OR2J1: variants seen among roughly 807,000 people sequenced by gnomAD.
OR2J1 encodes olfactory receptor family 2 subfamily J member 1, also known as olfactory receptor 2J1.
OR2J1 carries 10 observed loss-of-function variants against 10.2 expected under a neutral mutation model. That is an observed-to-expected ratio of 0.98 (90% CI 0.60 to 1.66). The LOEUF (loss-of-function observed/expected upper bound fraction) is 1.66, where lower values mean the gene tolerates loss of function less well. Ranked by LOEUF, OR2J1 falls within the 40% of genes most tolerant of loss-of-function variation. The probability of loss-of-function intolerance (pLI) is 0.00; values close to 1 mark genes in which losing one functional copy is unlikely to be tolerated. For synonymous variants in OR2J1, 143 were observed against 138.8 expected (o/e 1.03, Z -0.21); for missense variants, 317 against 379.4 (o/e 0.84, Z 1.37).
rs1381006117 is a variant in OR2J1 at position 29,101,218 on chromosome 6, C to T, written c.276C>T (p.Thr92=). 3.1e-6 allele frequency: 5 copies of T among 1,597,876 alleles called. No individual in the cohort carries two copies. The highest frequency in any genetic ancestry group is 4.3e-6 in the Non-Finnish European group (5 of 1,165,346). Residue 92 remains threonine (T), a synonymous_variant, in exon 2 of 2, where the codon ACC becomes ACT. Coordinates refer to ENST00000641659, the MANE Select transcript of OR2J1 (RefSeq NM_001348294.2). The part of the protein sequence containing the change: ...LLVNLWGPEK[T]ISYAGCTVQL... ...TGAATCTCTGGGGCCCGGAAAAGAC[C>T]ATCTCTTATGCTGGTTGTACGGTTC...
At position 29,100,992 on chromosome 6, in the gene OR2J1, GATTTT is replaced by G. The variant is rs746537946; in HGVS notation, c.51_55del (p.Phe18Ter). The G allele has an allele frequency of 6.9e-7, 1 of 1,452,266 alleles. No homozygotes were observed. The highest frequency in any genetic ancestry group is 1.4e-5 in the African/African-American group (1 of 71,542). 90.0% of individuals were successfully genotyped at this position (1,452,266 alleles called of 1,614,324 possible). ...TTTGAAGACTTCTTTCTTCTACTTG[GATTTT>G]CTAACTGGCCTCATCTGGAAGTAGT... is the stretch of plus-strand genomic sequence containing the variant. On this transcript the variant is annotated frameshift_variant, in exon 2 of 2. Transcript: ENST00000641659. LOFTEE classifies it low-confidence loss of function (END_TRUNC).
rs1278840360 is a variant in OR2J1 at position 29,101,429 on chromosome 6, T to C, written c.487T>C (p.Phe163Leu). 1 of 1,524,048 alleles carries C rather than the reference T, an allele frequency of 6.6e-7. No homozygotes were observed. Among genetic ancestry groups the C allele is most frequent in the Admixed American group, 1.7e-5 (1 of 59,916 alleles). The allele number at this position is 1,524,048 out of a possible 1,614,324, so 94.4% of individuals were successfully genotyped here. The stretch of plus-strand genomic sequence containing the variant: ...TACAACCTCAGCACTTCATTCCTCC[T>C]TTACTTTCTGGATACCCCTATGTAG... ...GFTTSALHSS[F>L]TFWIPLCRHR... The change falls in exon 2 of 2, where the codon TTT (phenylalanine) becomes CTT (leucine). Residue 163 changes from phenylalanine to leucine, a missense_variant. Coordinates refer to ENST00000641659, the MANE Select transcript of OR2J1 (RefSeq NM_001348294.2).
At position 29,102,044 on chromosome 6, in the gene OR2J1, T is replaced by C. The variant is rs1051814268; in HGVS notation, c.*163T>C. The C allele has an allele frequency of 2.4e-5, 13 of 537,658 alleles. No individual in the cohort carries two copies. The highest frequency in any genetic ancestry group is 3.9e-5 in the Non-Finnish European group (12 of 306,328). 33.3% of individuals were successfully genotyped at this position (537,658 alleles called of 1,614,324 possible). On this transcript the variant is annotated 3_prime_UTR_variant, in exon 2 of 2. Transcript: ENST00000641659. ...TGTTTAATATTTAGTTCTGAAATAT[T>C]ATGTTGAGATAAAGGTTTTGATTAG...
At position 29,100,803 on chromosome 6, in the gene OR2J1, A is replaced by G. The variant is rs752676487; in HGVS notation, c.-140A>G. ...GAAGCATACAAAGGAAACTGTATAA[A>G]AATTCTACTGCCATAATGGTGCACA... is the stretch of plus-strand genomic sequence containing the variant. On this transcript the variant is annotated 5_prime_UTR_variant, in exon 2 of 2. Transcript: ENST00000641659. The G allele has an allele frequency of 1.3e-4, 79 of 599,478 alleles. No homozygotes were observed. The highest frequency in any genetic ancestry group is 2.1e-4 in the Non-Finnish European group (72 of 336,084). The allele number at this position is 599,478 out of a possible 1,614,324, so 37.1% of individuals were successfully genotyped here. A position where few individuals can be genotyped will look rare whatever the true frequency, so the allele number is the denominator to read the frequency against.
chr6:29,101,879 T>A lies in OR2J1; in HGVS notation c.937T>A (p.Ter313ArgextTer11). Residue 313 changes from the stop codon to arginine (R), a stop_lost, in exon 2 of 2, where the codon TGA becomes AGA. Coordinates refer to ENST00000641659, the MANE Select transcript of OR2J1 (RefSeq NM_001348294.2). Reference sequence around the variant, plus strand: ...ACTAATGGGGTGGGAATGGGGGATGTGACAGGGAAATCATGTTGGCTGTTG... The same window carrying A: ...ACTAATGGGGTGGGAATGGGGGATGAGACAGGGAAATCATGTTGGCTGTTG... The part of the protein sequence containing the change: ...KRLMGWEWGM[*>R] The A allele has an allele frequency of 1.7e-6, 2 of 1,155,578 alleles. No individual in the cohort carries two copies. Among genetic ancestry groups the A allele is most frequent in the South Asian group, 2.5e-5 (2 of 79,522 alleles). The allele number at this position is 1,155,578 out of a possible 1,614,324, so 71.6% of individuals were successfully genotyped here.
Position 29,099,544 on chromosome 6 carries a change from C to T in OR2J1, c.-498C>T, listed in dbSNP as rs1238002567. 1.3e-5 allele frequency: 2 copies of T among 152,140 alleles called. No individual in the cohort carries two copies. Among genetic ancestry groups the T allele is most frequent in the African/African-American group, 4.8e-5 (2 of 41,420 alleles). 9.4% of individuals were successfully genotyped at this position (152,140 alleles called of 1,614,324 possible). On this transcript the variant is annotated 5_prime_UTR_variant, in exon 1 of 2. Coordinates refer to ENST00000641659, the MANE Select transcript of OR2J1 (RefSeq NM_001348294.2). ...GCATTAGGAAAGAAAATTATACCTG[C>T]ATTAGCAAAAGTATCCACAACATTT...
chr6:29,100,813 GC>G lies in OR2J1; in HGVS notation c.-128del, dbSNP rs1197374571. 1 of 611,374 alleles carries G rather than the reference GC, an allele frequency of 1.6e-6. No individual in the cohort carries two copies. The highest frequency in any genetic ancestry group is 2.9e-5 in the Admixed American group (1 of 34,032). The allele number at this position is 611,374 out of a possible 1,614,324, so 37.9% of individuals were successfully genotyped here. On this transcript the variant is annotated 5_prime_UTR_variant, in exon 2 of 2. Transcript: ENST00000641659. ...AAGGAAACTGTATAAAAATTCTACT[GC>G]CATAATGGTGCACACTATCTGGAAT...
rs1318678106 is a variant in OR2J1, at chr6:29,102,133, CAT to C, written c.*254_*255del. 1 of 406,488 alleles carries C rather than the reference CAT, an allele frequency of 2.5e-6. No individual in the cohort carries two copies. The highest frequency in any genetic ancestry group is 3.9e-5 in the East Asian group (1 of 25,548). The allele number at this position is 406,488 out of a possible 1,614,324, so 25.2% of individuals were successfully genotyped here. A position where few individuals can be genotyped will look rare whatever the true frequency, so the allele number is the denominator to read the frequency against. The stretch of plus-strand genomic sequence containing the variant: ...TGAAAATTGTGGACTGTGGTTTCAA[CAT>C]AAATAAATGTGTGTGTGAATAATTA... On this transcript the variant is annotated 3_prime_UTR_variant, in exon 2 of 2. Transcript: ENST00000641659.
Position 29,101,316 on chromosome 6 carries a change from C to A in OR2J1, c.374C>A (p.Ala125Glu), listed in dbSNP as rs759988506. ...LLVVMSYDRYAAVCRPLHYTV... is the reference protein window; with the variant it reads ...LLVVMSYDRYEAVCRPLHYTV... The stretch of plus-strand genomic sequence containing the variant: ...GTGGTGATGTCCTATGATCGTTATG[C>A]AGCTGTGTGTAGACCTTTGCATTAC... The change falls in exon 2 of 2, where the codon GCA becomes GAA. Residue 125 changes from alanine to glutamate, a missense_variant. Ala to Glu is a moderately radical substitution (Grantham distance 107). Coordinates refer to ENST00000641659, the MANE Select transcript of OR2J1 (RefSeq NM_001348294.2). 1 of 1,602,662 alleles carries A rather than the reference C, an allele frequency of 6.2e-7. No homozygotes were observed. Among genetic ancestry groups the A allele is most frequent in the East Asian group, 2.2e-5 (1 of 44,852 alleles).
Position 29,101,042 on chromosome 6 carries a change from A to C in OR2J1, c.100A>C (p.Ile34Leu), listed in dbSNP as rs774020528. 6.6e-7 allele frequency: 1 copy of C among 1,517,040 alleles called. No individual in the cohort carries two copies. The allele number at this position is 1,517,040 out of a possible 1,614,324, so 94.0% of individuals were successfully genotyped here. ...LEVVLFVVIL[I>L]FYLITLIGNL... Reference sequence around the variant, plus strand: ...AGTAGTTCTCTTTGTGGTTATCTTGATCTTCTACTTGATAACACTGATAGG... The same window carrying C: ...AGTAGTTCTCTTTGTGGTTATCTTGCTCTTCTACTTGATAACACTGATAGG... The change falls in exon 2 of 2, where the codon ATC (isoleucine) becomes CTC (leucine). Residue 34 changes from isoleucine (I) to leucine (L), a missense_variant. Coordinates refer to ENST00000641659, the MANE Select transcript of OR2J1 (RefSeq NM_001348294.2).
Position 29,101,150 on chromosome 6 carries a change from C to G in OR2J1, c.208C>G (p.Leu70Val). 6.3e-7 allele frequency: 1 copy of G among 1,586,276 alleles called. No homozygotes were observed. Among genetic ancestry groups the G allele is most frequent in the Admixed American group, 1.7e-5 (1 of 59,970 alleles). The change falls in exon 2 of 2, where the codon CTG becomes GTG. Residue 70 changes from leucine to valine, a missense_variant. Physicochemically the swap from Leu to Val is conservative, Grantham distance 32. Coordinates refer to ENST00000641659, the MANE Select transcript of OR2J1 (RefSeq NM_001348294.2). The stretch of plus-strand genomic sequence containing the variant: ...CTTCTTCCTTTCAAATCTCTCATTT[C>G]TGGATCTCTGCTACACCACCAGCTC... The part of the protein sequence containing the change: ...MYFFLSNLSF[L>V]DLCYTTSSIP...
chr6:29,101,205 GC>G lies in OR2J1; in HGVS notation c.266del (p.Pro89ArgfsTer30). The G allele has an allele frequency of 1.3e-6, 2 of 1,596,568 alleles. No individual in the cohort carries two copies. Among genetic ancestry groups the G allele is most frequent in the South Asian group, 2.2e-5 (2 of 90,654 alleles). On this transcript the variant is annotated frameshift_variant, in exon 2 of 2. Transcript: ENST00000641659. LOFTEE classifies it low-confidence loss of function (END_TRUNC). ...CCTCAGTTGCTGGTGAATCTCTGGG[GC>G]CCGGAAAAGACCATCTCTTATGCTG... ...SIPQLLVNLWGPEKTISYAGC... is the reference protein window; with the variant it reads ...SIPQLLVNLWXPEKTISYAGC...
chr6:29,101,416 A>C lies in OR2J1; in HGVS notation c.474A>C (p.Ala158=), dbSNP rs774283481. 1.3e-6 allele frequency: 2 copies of C among 1,532,786 alleles called. No homozygotes were observed. Among genetic ancestry groups the C allele is most frequent in the Non-Finnish European group, 1.8e-6 (2 of 1,105,272 alleles). The allele number at this position is 1,532,786 out of a possible 1,614,324, so 94.9% of individuals were successfully genotyped here. ...ASWVSGFTTS[A]LHSSFTFWIP... Reference sequence around the variant, plus strand: ...GGGTAAGTGGTTTTACAACCTCAGCACTTCATTCCTCCTTTACTTTCTGGA... The same window carrying C: ...GGGTAAGTGGTTTTACAACCTCAGCCCTTCATTCCTCCTTTACTTTCTGGA... The change falls in exon 2 of 2, where the codon GCA becomes GCC. Residue 158 remains alanine (A), a synonymous_variant. Coordinates refer to ENST00000641659, the MANE Select transcript of OR2J1 (RefSeq NM_001348294.2).
Position 29,100,768 on chromosome 6 carries a change from A to G in OR2J1, c.-175A>G, listed in dbSNP as rs1355835228. On this transcript the variant is annotated 5_prime_UTR_variant, in exon 2 of 2. Transcript: ENST00000641659. ...ATTACTTGTATCCACAGCTGGACAA[A>G]TATCTCAATGAAGCATACAAAGGAA... is the stretch of plus-strand genomic sequence containing the variant. 5 of 559,086 alleles carry G rather than the reference A, an allele frequency of 8.9e-6. No individual in the cohort carries two copies. Among genetic ancestry groups the G allele is most frequent in the Non-Finnish European group, 3.2e-6 (1 of 316,730 alleles). 34.6% of individuals were successfully genotyped at this position (559,086 alleles called of 1,614,324 possible).
Position 29,101,890 on chromosome 6 carries a change from T to A in OR2J1, c.*9T>A. 9.5e-7 allele frequency: 1 copy of A among 1,053,460 alleles called. No homozygotes were observed. Among genetic ancestry groups the A allele is most frequent in the South Asian group, 1.3e-5 (1 of 75,522 alleles). The allele number at this position is 1,053,460 out of a possible 1,614,324, so 65.3% of individuals were successfully genotyped here. A position where few individuals can be genotyped will look rare whatever the true frequency, so the allele number is the denominator to read the frequency against. Reference sequence around the variant, plus strand: ...GGGAATGGGGGATGTGACAGGGAAATCATGTTGGCTGTTGTTTTTCCTAGG... The same window carrying A: ...GGGAATGGGGGATGTGACAGGGAAAACATGTTGGCTGTTGTTTTTCCTAGG... On this transcript the variant is annotated 3_prime_UTR_variant, in exon 2 of 2. Coordinates refer to ENST00000641659, the MANE Select transcript of OR2J1 (RefSeq NM_001348294.2).
chr6:29,100,612 C>G, intron 1 of OR2J1, 148 bp from the exon 2 acceptor site: 1 of 171,656 alleles, frequency 5.8e-6, no homozygotes, highest in Non-Finnish European at 1.2e-5. Context: ...AAAAAAAAAT[C>G]AATTTAACTT....
At chr6:29,100,496 C>A (rs1160267702) in intron 1 of OR2J1, 1 of 153,038 alleles carries the variant, frequency 6.5e-6, no homozygotes, top group Non-Finnish European at 1.5e-5. Flanking sequence ...AAAGTGACTA[C>A]CTAATTGCTC....
rs1761546766 is a variant in OR2J1, at chr6:29,100,799, A to G, written c.-144A>G. On this transcript the variant is annotated 5_prime_UTR_variant, in exon 2 of 2. Transcript: ENST00000641659. ...CAATGAAGCATACAAAGGAAACTGT[A>G]TAAAAATTCTACTGCCATAATGGTG... 2 of 598,244 alleles carry G rather than the reference A, an allele frequency of 3.3e-6. No homozygotes were observed. Among genetic ancestry groups the G allele is most frequent in the Non-Finnish European group, 6.0e-6 (2 of 335,592 alleles). 37.1% of individuals were successfully genotyped at this position (598,244 alleles called of 1,614,324 possible). A position where few individuals can be genotyped will look rare whatever the true frequency, so the allele number is the denominator to read the frequency against.
chr6:29,101,030 G>A lies in OR2J1; in HGVS notation c.88G>A (p.Val30Met). The change falls in exon 2 of 2, where the codon GTG (valine) becomes ATG (methionine). Residue 30 changes from valine to methionine, a missense_variant. Val to Met is a conservative substitution (Grantham distance 21). Transcript: ENST00000641659. Reference sequence around the variant, plus strand: ...GCCTCATCTGGAAGTAGTTCTCTTTGTGGTTATCTTGATCTTCTACTTGAT... The same window carrying A: ...GCCTCATCTGGAAGTAGTTCTCTTTATGGTTATCTTGATCTTCTACTTGAT... ...NWPHLEVVLFVVILIFYLITL... is the reference protein window; with the variant it reads ...NWPHLEVVLFMVILIFYLITL... 1.3e-6 allele frequency: 2 copies of A among 1,507,070 alleles called. No individual in the cohort carries two copies. The highest frequency in any genetic ancestry group is 1.8e-6 in the Non-Finnish European group (2 of 1,082,798). The allele number at this position is 1,507,070 out of a possible 1,614,324, so 93.4% of individuals were successfully genotyped here.
Sources: gnomAD v4.1 joint callset for allele counts on GRCh38, gnomAD v4.1.1 for gene constraint, MANE v1.5 for transcripts, NCBI Gene and HGNC (gene_info 2026-07-23, HGNC 2026-07-21) for gene names.